MYRIP: variants seen among roughly 807,000 people sequenced by gnomAD.
MYRIP encodes rab effector MyRIP.
In MYRIP, 49 loss-of-function variants were observed where a neutral mutation model predicts 98.0. The ratio of observed to expected loss-of-function variants is 0.50; its 90% CI spans 0.40 to 0.63. MYRIP has a LOEUF of 0.63. MYRIP is among the 30% of genes least tolerant of loss of function. MYRIP has a pLI of 0.00. For missense variants in MYRIP, 1,004 were observed against 1,058.2 expected, an observed-to-expected ratio of 0.95 and a Z score of 0.71; for synonymous variants, 404 against 409.5, an observed-to-expected ratio of 0.99 and a Z score of 0.16.
intron 8 of MYRIP, among the ~76,000 whole-genome samples, chr3:40,178,557 T>C (rs150616735): frequency 1.3e-5 from 2 of 152,142 alleles, no homozygotes; most frequent in Non-Finnish European, 2.9e-5. Flanking sequence ...AGTTATTCAA[T>C]CCTGACTCTG....
intron 3 of MYRIP, among the ~76,000 whole-genome samples, chr3:40,145,099 A>G (rs1949982290): frequency 6.6e-6 from 1 of 152,230 alleles, no homozygotes; most frequent in Non-Finnish European, 1.5e-5. Context: ...CATCATCCCC[A>G]TCTTATAGAT....
At chr3:40,026,057 C>G (rs115340239) in intron 2 of MYRIP, among the ~76,000 whole-genome samples, 1 of 152,040 alleles carries the variant, frequency 6.6e-6, no homozygotes. Context: ...GTAAACCTGA[C>G]GGTAATGCAG....
intron 3 of MYRIP, among the ~76,000 whole-genome samples, chr3:40,144,176 C>A (rs1403041646): frequency 1.3e-5 from 2 of 152,216 alleles, no homozygotes; most frequent in African/African-American, 4.8e-5. Context: ...GGATTGCCTT[C>A]AGGCTTGAGT....
At chr3:39,821,257 A>G (rs937072596) in intron 1 of MYRIP, among the ~76,000 whole-genome samples, 2 of 152,124 alleles carry the variant, frequency 1.3e-5, no homozygotes, top group Admixed American at 6.5e-5. Context: ...TCCCTTGTAC[A>G]TAGTGGGATA....
chr3:40,012,772 G>A (rs1390328833), intron 2 of MYRIP, among the ~76,000 whole-genome samples: 5 of 152,102 alleles, frequency 3.3e-5, no homozygotes, highest in Non-Finnish European at 1.5e-5. Flanking sequence ...TATGCCATTG[G>A]CTTCCCTGGT....
chr3:40,157,764 T>A (rs1950278154), intron 4 of MYRIP, among the ~76,000 whole-genome samples: 3 of 149,392 alleles, frequency 2.0e-5, no homozygotes, highest in Non-Finnish European at 4.5e-5. Context: ...TTCTTCTAGA[T>A]TTTCTAGTTT....
At chr3:39,833,922 A>G (rs940233137) in intron 1 of MYRIP, among the ~76,000 whole-genome samples, 1 of 152,202 alleles carries the variant, frequency 6.6e-6, no homozygotes, top group African/African-American at 2.4e-5. Flanking sequence ...CCAGCTACCT[A>G]GGATGCTGAG....
At chr3:39,891,603 G>C (rs1239784515) in intron 1 of MYRIP, among the ~76,000 whole-genome samples, 1 of 151,790 alleles carries the variant, frequency 6.6e-6, no homozygotes, top group African/African-American at 2.4e-5. Context: ...CTGGATCAAT[G>C]GTATTTAATT....
At chr3:39,941,325 A>G (rs1483697904) in intron 2 of MYRIP, among the ~76,000 whole-genome samples, 1 of 151,924 alleles carries the variant, frequency 6.6e-6, no homozygotes, top group Admixed American at 6.6e-5. Context: ...TTCACTCATT[A>G]CTGTGGGGAG....
chr3:39,986,672 C>T (rs1036187131), intron 2 of MYRIP, among the ~76,000 whole-genome samples: 3 of 152,120 alleles, frequency 2.0e-5, no homozygotes, highest in African/African-American at 4.8e-5. Flanking sequence ...CCTGATGGCT[C>T]GGAGCTGCTC....
At chr3:40,057,591 C>T (rs1207960822) in intron 3 of MYRIP, among the ~76,000 whole-genome samples, 1 of 152,174 alleles carries the variant, frequency 6.6e-6, no homozygotes, top group Non-Finnish European at 1.5e-5. Context: ...TCACAGACCA[C>T]CCCTGTCCCA....
At chr3:39,923,736 T>G (rs745652628) in intron 2 of MYRIP, among the ~76,000 whole-genome samples, 2 of 152,156 alleles carry the variant, frequency 1.3e-5, no homozygotes, top group Non-Finnish European at 2.9e-5. Flanking sequence ...ATAGGCTTTC[T>G]TTATCCTTTT....
In MYRIP at chr3:39,890,495, T is replaced by C. The variant is rs116543881; in HGVS notation, c.-30-10292T>C. Among the ~76,000 whole-genome samples the C allele has an allele frequency of 9.2e-3, 1,397 of 152,226 alleles. 23 individuals carry two copies. Among genetic ancestry groups the C allele is most frequent in the African/African-American group, 0.032 (1,320 of 41,560 alleles). On this transcript the variant is annotated intron_variant, in intron 1 of 16. Coordinates refer to ENST00000302541, the MANE Select transcript of MYRIP (RefSeq NM_015460.4). ...ATCTTCTCCTGTTGTTTTACTTTTG[T>C]GCTTATTTTTTAAAAACTTAATATT...
At chr3:39,977,053 T>A (rs989832184) in intron 2 of MYRIP, among the ~76,000 whole-genome samples, 2 of 122,422 alleles carry the variant, frequency 1.6e-5, no homozygotes, top group African/African-American at 8.2e-5. Context: ...TAAAAAAAAA[T>A]TATTCTGTGT....
At position 39,941,520 on chromosome 3, in the gene MYRIP, C is replaced by T. The variant is rs149283808; in HGVS notation, c.110+40594C>T. On this transcript the variant is annotated intron_variant, in intron 2 of 16. Coordinates refer to ENST00000302541, the MANE Select transcript of MYRIP (RefSeq NM_015460.4). ...GTGTGTGTGTGTGTGTATATATATA[C>T]ACACACACACTTTTTTTTACAGTAG... is the stretch of plus-strand genomic sequence containing the variant. Among the ~76,000 whole-genome samples, 1,094 of 146,554 alleles carry T rather than the reference C, an allele frequency of 7.5e-3. 9 individuals are homozygous for T. Among genetic ancestry groups the T allele is most frequent in the African/African-American group, 0.027 (1,017 of 37,576 alleles).
chr3:40,050,746 T>A (rs914664169), intron 3 of MYRIP, among the ~76,000 whole-genome samples: 1 of 152,162 alleles, frequency 6.6e-6, no homozygotes, highest in South Asian at 2.1e-4. Flanking sequence ...CTAGATGTCA[T>A]AAAGAGCATT....
chr3:40,043,064 A>G (rs1431328541), intron 2 of MYRIP, among the ~76,000 whole-genome samples: 5 of 152,298 alleles, frequency 3.3e-5, no homozygotes, highest in South Asian at 4.1e-4. Context: ...TAATGAATCC[A>G]TGTAGTTTCT....
intron 3 of MYRIP, among the ~76,000 whole-genome samples, chr3:40,065,342 C>A (rs1335427059): frequency 6.6e-6 from 1 of 152,148 alleles, no homozygotes; most frequent in Non-Finnish European, 1.5e-5. Context: ...TCTTCAATGA[C>A]CCTATTTCCA....
At chr3:40,135,848 C>G (rs56835251) in intron 3 of MYRIP, among the ~76,000 whole-genome samples, 13,791 of 152,170 alleles carry the variant, frequency 0.091, 1,328 homozygotes, top group African/African-American at 0.23. Flanking sequence ...GATTTTGTCA[C>G]CACCAGGCCT....
Sources: allele counts gnomAD v4.1 joint callset (sites outside exome capture counted in the v4.1 genomes callset), GRCh38; gene constraint gnomAD v4.1.1; transcripts MANE v1.5; gene names NCBI Gene and HGNC (gene_info 2026-07-23, HGNC 2026-07-21).